CDH4: variants seen among roughly 807,000 people sequenced by gnomAD.
CDH4 encodes cadherin 4.
In CDH4, 33 loss-of-function variants were observed where a neutral mutation model predicts 86.0. The ratio of observed to expected loss-of-function variants is 0.38; its 90% confidence interval spans 0.29 to 0.51. The LOEUF is 0.51. CDH4 is among the 20% of genes least tolerant of loss of function. The pLI is 0.86. For synonymous variants in CDH4, 555 were observed against 549.4 expected (o/e 1.01, Z -0.14); for missense variants, 1,114 against 1,307.4 (o/e 0.85, Z 2.28).
intron 2 of CDH4, among the ~76,000 whole-genome samples, chr20:61,648,869 A>G (rs2087092327): frequency 6.6e-6 from 1 of 152,152 alleles, no homozygotes; most frequent in African/African-American, 2.4e-5. Flanking sequence ...TGCTGACTAC[A>G]GGTTTGCAGG....
chr20:61,426,390 G>A (rs532155961), intron 2 of CDH4, among the ~76,000 whole-genome samples: 2 of 152,100 alleles, frequency 1.3e-5, no homozygotes, highest in Admixed American at 1.3e-4. Context: ...CACTGCATTC[G>A]GGTGGCTCCA....
At chr20:61,559,431 C>A (rs1363231022) in intron 2 of CDH4, among the ~76,000 whole-genome samples, 1 of 151,940 alleles carries the variant, frequency 6.6e-6, no homozygotes, top group Non-Finnish European at 1.5e-5. Flanking sequence ...AGAGACGGCG[C>A]GCTGTCGGGA....
At chr20:61,635,246 A>G (rs918184058) in intron 2 of CDH4, among the ~76,000 whole-genome samples, 1 of 152,234 alleles carries the variant, frequency 6.6e-6, no homozygotes, top group Non-Finnish European at 1.5e-5. Context: ...ACGGTTCCAC[A>G]TCCCCACCAG....
chr20:61,838,763 G>A (rs1357179901), intron 4 of CDH4, among the ~76,000 whole-genome samples: 1 of 147,286 alleles, frequency 6.8e-6, no homozygotes, highest in Non-Finnish European at 1.5e-5. Context: ...AGTGGAGGTT[G>A]CAGTGAACCA....
chr20:61,471,097 T>C (rs909791645), intron 2 of CDH4, among the ~76,000 whole-genome samples: 1 of 152,054 alleles, frequency 6.6e-6, no homozygotes, highest in African/African-American at 2.4e-5. Flanking sequence ...TTTCAGAATC[T>C]TTTAAGTAGG....
chr20:61,617,597 G>A (rs2086735587), intron 2 of CDH4, among the ~76,000 whole-genome samples: 1 of 152,224 alleles, frequency 6.6e-6, no homozygotes, highest in Non-Finnish European at 1.5e-5. Flanking sequence ...TCGAAATCTG[G>A]GGGCGACAGC....
chr20:61,547,314 A>G (rs935469399), intron 2 of CDH4, among the ~76,000 whole-genome samples: 4 of 141,448 alleles, frequency 2.8e-5, no homozygotes, highest in Non-Finnish European at 4.5e-5. Context: ...CCGGGTTCAC[A>G]CCATTCTCCT....
intron 4 of CDH4, among the ~76,000 whole-genome samples, chr20:61,802,290 C>G (rs975830429): frequency 6.6e-6 from 1 of 152,230 alleles, no homozygotes; most frequent in African/African-American, 2.4e-5. Flanking sequence ...GATTCTCACT[C>G]AAGGTCACAC....
rs144096344 is a variant in CDH4 at position 61,883,934 on chromosome 20, C to T, written c.1050+10034C>T. 1.7e-3 allele frequency among the ~76,000 whole-genome samples: 258 copies of T among 152,318 alleles called. 1 individual carries two copies. The highest frequency in any genetic ancestry group is 3.1e-3 in the Admixed American group (48 of 15,298). Reference sequence around the variant, plus strand: ...GGGAAGCAAGAGGGTCCCAGCATCCCCACCCCCCAACCCCCGTGTGGTGGG... The same window carrying T: ...GGGAAGCAAGAGGGTCCCAGCATCCTCACCCCCCAACCCCCGTGTGGTGGG... On this transcript the variant is annotated intron_variant, in intron 7 of 15. Transcript: ENST00000614565.
At chr20:61,915,829 C>G (rs908748835) in intron 9 of CDH4, among the ~76,000 whole-genome samples, 1 of 152,136 alleles carries the variant, frequency 6.6e-6, no homozygotes, top group East Asian at 1.9e-4. Flanking sequence ...GCCGTGCTTC[C>G]GTACACTTGT....
At chr20:61,615,412 G>A (rs1358110176) in intron 2 of CDH4, among the ~76,000 whole-genome samples, 1 of 152,144 alleles carries the variant, frequency 6.6e-6, no homozygotes, top group African/African-American at 2.4e-5. Flanking sequence ...ATGAGCCCCC[G>A]TGCCTGGCCT....
At chr20:61,628,715 C>T (rs1282686916) in intron 2 of CDH4, among the ~76,000 whole-genome samples, 1 of 152,214 alleles carries the variant, frequency 6.6e-6, no homozygotes, top group Non-Finnish European at 1.5e-5. Context: ...TAGACTCACG[C>T]CCACTGACTT....
chr20:61,868,942 G>A (rs1372903832), intron 6 of CDH4, among the ~76,000 whole-genome samples: 1 of 152,098 alleles, frequency 6.6e-6, no homozygotes, highest in Admixed American at 6.5e-5. Flanking sequence ...GGCTGTGGTG[G>A]ACACACACAA....
chr20:61,386,162 A>G (rs972250360), intron 2 of CDH4, among the ~76,000 whole-genome samples: 1 of 152,130 alleles, frequency 6.6e-6, no homozygotes, highest in Non-Finnish European at 1.5e-5. Flanking sequence ...TCCTGGAAGA[A>G]TAGACCACGT....
At chr20:61,838,051 G>T (rs185560286) in intron 4 of CDH4, among the ~76,000 whole-genome samples, 43 of 152,046 alleles carry the variant, frequency 2.8e-4, no homozygotes, top group Non-Finnish European at 6.0e-4. Flanking sequence ...CTGGGTCTCG[G>T]GGTGGCCTTT....
intron 2 of CDH4, among the ~76,000 whole-genome samples, chr20:61,442,611 TAC>T (rs1410279685): frequency 6.6e-6 from 1 of 152,212 alleles, no homozygotes; most frequent in Non-Finnish European, 1.5e-5. Flanking sequence ...AAGGCTGCGT[TAC>T]AGAGACTCAA....
chr20:61,751,844 T>C (rs1184917589), intron 3 of CDH4, among the ~76,000 whole-genome samples: 3 of 152,172 alleles, frequency 2.0e-5, no homozygotes, highest in Non-Finnish European at 2.9e-5. Flanking sequence ...CAATGGGGCA[T>C]CTTTAAGAAA....
rs770821697 is a variant in CDH4 at position 61,873,802 on chromosome 20, A to T, written c.952A>T (p.Ile318Phe). 7 of 1,613,958 alleles carry T rather than the reference A, an allele frequency of 4.3e-6. No individual in the cohort carries two copies. Among genetic ancestry groups the T allele is most frequent in the Non-Finnish European group, 5.9e-6 (7 of 1,180,034 alleles). ...GGCCAACGGGATGGTGCGGTACCGG[A>T]TCGTGACCCAGACCCCACAGAGCCC... ...TTANGMVRYR[I>F]VTQTPQSPSQ... The change falls in exon 7 of 16, where the codon ATC (isoleucine) becomes TTC (phenylalanine). Residue 318 changes from isoleucine to phenylalanine, a missense_variant. Around this residue, in one of 3 missense-constraint regions of CDH4, gnomAD observed 705 missense variants for 914.1 expected, o/e 0.77. Transcript: ENST00000614565.
rs181117157 is a variant in CDH4, at chr20:61,455,794, G to A, written c.169+200857G>A. ...CACTGTGCTTGACTCTGAGATCCTC[G>A]AGGACGCTGTGTATGGTCCTTACAT... On this transcript the variant is annotated intron_variant, in intron 2 of 15. Transcript: ENST00000614565. Among the ~76,000 whole-genome samples, 16 of 152,282 alleles carry A rather than the reference G, an allele frequency of 1.1e-4. No individual in the cohort carries two copies. The East Asian group carries it at 2.5e-3, about 24-fold the overall frequency.
Sources: allele counts gnomAD v4.1 joint callset (sites outside exome capture counted in the v4.1 genomes callset), GRCh38; gene constraint gnomAD v4.1.1; regional missense constraint gnomAD v4.1.1; transcripts MANE v1.5; gene names NCBI Gene and HGNC (gene_info 2026-07-23, HGNC 2026-07-21).